Variants in EVC observed in about 807,000 individuals in gnomAD.
The protein encoded by EVC is EvC ciliary complex subunit 1.
EVC carries 116 observed loss-of-function variants against 118.9 expected under a neutral mutation model. That is an observed-to-expected ratio of 0.98 (90% CI 0.84 to 1.14). EVC has a LOEUF of 1.14. EVC is among the 50% of genes most tolerant of loss of function. EVC has a pLI of 0.00. For synonymous variants in EVC, 619 were observed against 534.7 expected, an observed-to-expected ratio of 1.16 and a Z score of -2.18; for missense variants, 1,401 against 1,246.4, an observed-to-expected ratio of 1.12 and a Z score of -1.87.
At chr4:5,823,241 A>G in the EVC span, among the ~76,000 whole-genome samples, 5 of 152,150 alleles carry the variant, frequency 3.3e-5, no homozygotes, top group Admixed American at 2.6e-4. Flanking sequence ...ACATTACATG[A>G]TTTGTCTATG....
chr4:5,738,036 G>A lies in EVC; in HGVS notation c.703-3680G>A, dbSNP rs1304344044. ...GAATATTCATGATTCATAGGAGGAG[G>A]TCAAAATATCAACATTAACAAGAGT... On this transcript the variant is annotated intron_variant, in intron 5 of 20. Coordinates refer to ENST00000264956, the MANE Select transcript of EVC (RefSeq NM_153717.3). The surrounding 1 kb of genome is among the most constrained non-coding windows in gnomAD (Gnocchi z 6.5). Among the ~76,000 whole-genome samples, 1 of 152,202 alleles carries A rather than the reference G, an allele frequency of 6.6e-6. No homozygotes were observed. The highest frequency in any genetic ancestry group is 2.4e-5 in the African/African-American group (1 of 41,460).
At chr4:5,810,024 G>A (rs931018459) in intron 19 of EVC, among the ~76,000 whole-genome samples, 14 of 152,318 alleles carry the variant, frequency 9.2e-5, no homozygotes, top group African/African-American at 3.4e-4. Context: ...CTGGTGCTGG[G>A]TTTTCAGTTG....
intron 11 of EVC, among the ~76,000 whole-genome samples, chr4:5,766,458 T>C (rs2152156984): frequency 7.6e-6 from 1 of 131,066 alleles, no homozygotes; most frequent in East Asian, 2.2e-4. Context: ...CCTGCCTTGC[T>C]AGATTGGGGA....
intron 8 of EVC, among the ~76,000 whole-genome samples, chr4:5,750,835 G>T (rs532500399): frequency 4.8e-4 from 73 of 152,180 alleles, no homozygotes; most frequent in Non-Finnish European, 7.2e-4. Flanking sequence ...TTGTATAGAA[G>T]AGGGATGGAT....
At chr4:5,824,655 A>AACATCCTAGATGTTG in the EVC span, 1 of 943,936 alleles carries the variant, frequency 1.1e-6, no homozygotes, top group Non-Finnish European at 1.2e-6. Flanking sequence ...TATTGAATAT[A>AACATCCTAGATGTTG]ACATCCTAGA....
chr4:5,794,077 TAA>T (rs942971188), intron 13 of EVC, among the ~76,000 whole-genome samples: 1 of 151,818 alleles, frequency 6.6e-6, no homozygotes, highest in African/African-American at 2.4e-5. Flanking sequence ...AACGCAATTG[TAA>T]AAGATTTCTT....
intron 17 of EVC, among the ~76,000 whole-genome samples, chr4:5,807,038 T>C (rs2152383232): frequency 6.6e-6 from 1 of 152,276 alleles, no homozygotes; most frequent in East Asian, 1.9e-4. Context: ...GAACTCGGCC[T>C]CCTTTAAGGT....
At chr4:5,828,644 C>T in the EVC span, 1 of 1,614,164 alleles carries the variant, frequency 6.2e-7, no homozygotes, top group Middle Eastern at 1.6e-4. Context: ...CACTCCATAC[C>T]CTCGAAGATG....
At chr4:5,808,746 T>C (rs184995479) in intron 18 of EVC, among the ~76,000 whole-genome samples, 46 of 152,352 alleles carry the variant, frequency 3.0e-4, no homozygotes, top group Non-Finnish European at 5.3e-4. Context: ...AGCTCAGCTC[T>C]CATGATATAA....
chr4:5,729,272 A>G (rs1322506801), intron 2 of EVC, 35 bp from the exon 3 acceptor site: 1 of 1,604,338 alleles, frequency 6.2e-7, no homozygotes, highest in Non-Finnish European at 8.5e-7. Context: ...ATTTTACAGA[A>G]AGTTTCCCAT....
Position 5,719,137 on chromosome 4 carries a change from G to A in EVC, c.175-111G>A, listed in dbSNP as rs1724490939. On this transcript the variant is annotated intron_variant, in intron 1 of 20. Transcript: ENST00000264956. This position sits in a 1 kb window ranked among gnomAD's most constrained non-coding sequence, Gnocchi z 4.7. ...TTGAGAAGCACAGAGGCGAGCAGAA[G>A]TGGCTGCTGGACTGGGGGAGTTGAC... 7.1e-7 allele frequency: 1 copy of A among 1,402,598 alleles called. No homozygotes were observed. Among genetic ancestry groups the A allele is most frequent in the South Asian group, 1.2e-5 (1 of 86,382 alleles). 86.9% of individuals were successfully genotyped at this position (1,402,598 alleles called of 1,614,324 possible). A position where few individuals can be genotyped will look rare whatever the true frequency, so the allele number is the denominator to read the frequency against.
intron 2 of EVC, among the ~76,000 whole-genome samples, chr4:5,723,338 CG>C (rs1725279903): frequency 6.6e-6 from 1 of 151,976 alleles, no homozygotes; most frequent in Admixed American, 6.6e-5. Flanking sequence ...TACAGGCATG[CG>C]CCACCACACC....
intron 12 of EVC, among the ~76,000 whole-genome samples, chr4:5,791,018 C>T (rs1400151890): frequency 6.6e-6 from 1 of 151,892 alleles, no homozygotes; most frequent in Non-Finnish European, 1.5e-5. Context: ...TCGCTTGAAC[C>T]CGGGAGGTGA....
chr4:5,763,427 A>G (rs1342180269), intron 11 of EVC, among the ~76,000 whole-genome samples: 2 of 124,052 alleles, frequency 1.6e-5, no homozygotes, highest in South Asian at 2.8e-4. Flanking sequence ...GTTTTTTCCA[A>G]TTCTGTGAAG....
Position 5,738,476 on chromosome 4 carries a change from G to A in EVC, c.703-3240G>A, listed in dbSNP as rs931184776. Among the ~76,000 whole-genome samples, 1 of 152,120 alleles carries A rather than the reference G, an allele frequency of 6.6e-6. No individual in the cohort carries two copies. Among genetic ancestry groups the A allele is most frequent in the Non-Finnish European group, 1.5e-5 (1 of 68,028 alleles). On this transcript the variant is annotated intron_variant, in intron 5 of 20. Coordinates refer to ENST00000264956, the MANE Select transcript of EVC (RefSeq NM_153717.3). This position sits in a 1 kb window ranked among gnomAD's most constrained non-coding sequence, Gnocchi z 6.5. ...TTTGTGAAAGGAAGAGTCAGCTGAT[G>A]TGGCCCACTTCAGAGTGGTCTTATT...
chr4:5,752,610 G>C (rs1042385816), intron 8 of EVC: 11 of 612,460 alleles, frequency 1.8e-5, no homozygotes, highest in Non-Finnish European at 3.2e-5. Context: ...TACATGCTAA[G>C]CTGCGTCAGC....
intron 5 of EVC, among the ~76,000 whole-genome samples, chr4:5,739,042 C>T (rs1029268490): frequency 6.6e-6 from 1 of 152,078 alleles, no homozygotes; most frequent in Non-Finnish European, 1.5e-5. Flanking sequence ...AAAATGTGTG[C>T]GGCTTGCTTT....
At chr4:5,768,584 C>T (rs1428474182) in intron 11 of EVC, among the ~76,000 whole-genome samples, 1 of 152,064 alleles carries the variant, frequency 6.6e-6, no homozygotes, top group African/African-American at 2.4e-5. Context: ...CGGCTGGGCA[C>T]AGTGGCTCAC....
At chr4:5,827,441 G>A in the EVC span, among the ~76,000 whole-genome samples, 1 of 152,142 alleles carries the variant, frequency 6.6e-6, no homozygotes, top group African/African-American at 2.4e-5. Context: ...TGGAAGCTGG[G>A]GAGAGACCAA....
Sources: gnomAD v4.1 joint callset for allele counts (sites outside exome capture counted in the v4.1 genomes callset) on GRCh38, gnomAD v4.1.1 for gene constraint, Gnocchi (gnomAD v3.1) non-coding constraint, MANE v1.5 for transcripts, NCBI Gene and HGNC (gene_info 2026-07-23, HGNC 2026-07-21) for gene names.